Variants in PPARGC1A observed in about 807,000 individuals in gnomAD.
The protein encoded by PPARGC1A is peroxisome proliferator-activated receptor gamma coactivator 1-alpha.
A neutral mutation model predicts 88.7 loss-of-function variants in PPARGC1A; 25 were observed. The ratio of observed to expected loss-of-function variants is 0.28; its 90% CI spans 0.21 to 0.39. PPARGC1A has a LOEUF of 0.39. Among genes scored for constraint, PPARGC1A ranks in the 10% least tolerant of loss-of-function variants. The pLI is 1.00. For synonymous variants in PPARGC1A, 363 were observed against 355.6 expected, an observed-to-expected ratio of 1.02 and a Z score of -0.24; for missense variants, 880 against 968.7, an observed-to-expected ratio of 0.91 and a Z score of 1.22.
At chr4:24,089,026 ACT>A in the PPARGC1A span, among the ~76,000 whole-genome samples, 1 of 152,116 alleles carries the variant, frequency 6.6e-6, no homozygotes, top group African/African-American at 2.4e-5. Context: ...GTGTTTGTTC[ACT>A]CTCTCACACA....
At chr4:24,288,338 T>C in the PPARGC1A span, among the ~76,000 whole-genome samples, 1 of 152,186 alleles carries the variant, frequency 6.6e-6, no homozygotes, top group Admixed American at 6.5e-5. Context: ...GGCCATATGG[T>C]GATTTTTGTT....
chr4:23,803,679 C>A (rs972515853), intron 10 of PPARGC1A, among the ~76,000 whole-genome samples: 2 of 152,102 alleles, frequency 1.3e-5, no homozygotes, highest in Non-Finnish European at 2.9e-5. Context: ...AATGTGCTCA[C>A]CAACTAGTTT....
chr4:24,249,966 G>A, the PPARGC1A span, among the ~76,000 whole-genome samples: 499 of 152,236 alleles, frequency 3.3e-3, 2 homozygotes, highest in Middle Eastern at 6.8e-3. Flanking sequence ...TTAACCAACG[G>A]GCAGAAGTTC....
the PPARGC1A span, among the ~76,000 whole-genome samples, chr4:24,446,056 ACT>A: frequency 6.6e-6 from 1 of 152,032 alleles, no homozygotes; most frequent in Admixed American, 6.6e-5. Flanking sequence ...TCAGAGCAAG[ACT>A]CTGTCTCAAA....
At chr4:24,377,743 G>T in the PPARGC1A span, among the ~76,000 whole-genome samples, 1 of 152,256 alleles carries the variant, frequency 6.6e-6, no homozygotes, top group African/African-American at 2.4e-5. Context: ...ATAAGTGGGG[G>T]ATCCAGAGAA....
chr4:24,375,002 A>AC, the PPARGC1A span, among the ~76,000 whole-genome samples: 1 of 124,596 alleles, frequency 8.0e-6, no homozygotes, highest in East Asian at 2.2e-4. Flanking sequence ...ACATCCACCA[A>AC]CCCCCCACCC....
At chr4:24,292,260 C>T in the PPARGC1A span, among the ~76,000 whole-genome samples, 4 of 152,054 alleles carry the variant, frequency 2.6e-5, no homozygotes, top group African/African-American at 7.3e-5. Context: ...AGAACTCTCG[C>T]GGGTTGCTTC....
chr4:23,947,247 C>T, the PPARGC1A span, among the ~76,000 whole-genome samples: 1 of 151,110 alleles, frequency 6.6e-6, no homozygotes, highest in Non-Finnish European at 1.5e-5. Context: ...TATTGTGTGC[C>T]TACTGTGTGC....
the PPARGC1A span, among the ~76,000 whole-genome samples, chr4:24,418,492 C>T: frequency 6.6e-6 from 1 of 151,970 alleles, no homozygotes; most frequent in Admixed American, 6.6e-5. Context: ...ATTCTCTTTG[C>T]CTTTATGTTC....
intron 2 of PPARGC1A, chr4:23,866,119 T>C (rs561189075): frequency 6.6e-6 from 1 of 152,358 alleles, no homozygotes; most frequent in Admixed American, 6.5e-5. Context: ...ATACCAGGAA[T>C]AGCCAGCCTA....
the PPARGC1A span, among the ~76,000 whole-genome samples, chr4:23,975,858 C>G: frequency 6.6e-6 from 1 of 152,206 alleles, no homozygotes; most frequent in East Asian, 1.9e-4. Context: ...ATCTTTATTT[C>G]TAATTTACAA....
the PPARGC1A span, among the ~76,000 whole-genome samples, chr4:24,256,613 C>T: frequency 6.6e-6 from 1 of 152,130 alleles, no homozygotes; most frequent in African/African-American, 2.4e-5. Context: ...GGGTAAACAA[C>T]CTTAATTCAC....
chr4:24,301,553 T>C, the PPARGC1A span, among the ~76,000 whole-genome samples: 1 of 149,636 alleles, frequency 6.7e-6, no homozygotes, highest in South Asian at 2.1e-4. Context: ...GCCATCAGAA[T>C]ATTCTTTGAG....
At chr4:24,091,683 A>G in the PPARGC1A span, 1 of 976,070 alleles carries the variant, frequency 1.0e-6, no homozygotes, top group Non-Finnish European at 1.2e-6. Context: ...TCGGGCAGGA[A>G]GAACCCACCG....
the PPARGC1A span, among the ~76,000 whole-genome samples, chr4:24,299,692 A>G: frequency 6.6e-6 from 1 of 152,100 alleles, no homozygotes; most frequent in Non-Finnish European, 1.5e-5. Flanking sequence ...ATAACAAACT[A>G]AGGACTAATT....
the PPARGC1A span, among the ~76,000 whole-genome samples, chr4:24,456,505 A>C: frequency 6.6e-6 from 1 of 152,274 alleles, no homozygotes; most frequent in East Asian, 1.9e-4. Context: ...TAATAAAATT[A>C]TACTGGCATT....
the PPARGC1A span, among the ~76,000 whole-genome samples, chr4:24,013,009 C>G: frequency 1.3e-5 from 2 of 152,180 alleles, no homozygotes; most frequent in Admixed American, 1.3e-4. Flanking sequence ...CACATGCAAT[C>G]ACACAATTAA....
At chr4:24,399,973 A>C in the PPARGC1A span, among the ~76,000 whole-genome samples, 3 of 151,996 alleles carry the variant, frequency 2.0e-5, no homozygotes, top group Admixed American at 6.6e-5. Flanking sequence ...TTTAGTGGAG[A>C]CAGGGTTTCA....
chr4:24,439,087 G>A, the PPARGC1A span, among the ~76,000 whole-genome samples: 3 of 151,972 alleles, frequency 2.0e-5, no homozygotes, highest in African/African-American at 7.3e-5. Context: ...CTCCCCCACA[G>A]CTTTGCGACC....
Sources: allele counts gnomAD v4.1 joint callset (sites outside exome capture counted in the v4.1 genomes callset), GRCh38; gene constraint gnomAD v4.1.1; transcripts MANE v1.5; gene names NCBI Gene and HGNC (gene_info 2026-07-23, HGNC 2026-07-21).